PRIM2: variants seen among roughly 807,000 people sequenced by gnomAD.
PRIM2 encodes DNA primase large subunit.
In PRIM2, 39 loss-of-function variants were observed where a neutral mutation model predicts 67.3. The observed-to-expected ratio is 0.58, with a 90% confidence interval of 0.45 to 0.76. The LOEUF is 0.76. Among genes scored for constraint, PRIM2 ranks in the 30% least tolerant of loss-of-function variants. PRIM2 has a pLI of 0.00. For synonymous variants in PRIM2, 143 were observed against 198.7 expected (o/e 0.72, Z 2.36); for missense variants, 398 against 598.7 (o/e 0.66, Z 3.50).
chr6:57,538,849 T>A (rs1486908829), intron 10 of PRIM2, among the ~76,000 whole-genome samples: 7 of 152,128 alleles, frequency 4.6e-5, no homozygotes, highest in Non-Finnish European at 1.0e-4. Flanking sequence ...TTCTTATAAA[T>A]ACACTAGTCT....
At chr6:57,342,681 T>A (rs1220259376) in intron 5 of PRIM2, among the ~76,000 whole-genome samples, 1 of 152,170 alleles carries the variant, frequency 6.6e-6, no homozygotes, top group African/African-American at 2.4e-5. Context: ...TTCTTAAAGA[T>A]GTGGAAGAAT....
intron 12 of PRIM2, 50 bp downstream of exon 12, chr6:57,606,507 A>G (rs1479510574): frequency 7.0e-6 from 10 of 1,429,588 alleles, no homozygotes; most frequent in Non-Finnish European, 9.7e-6. Context: ...CCTTAGATAG[A>G]TCTCTCGGTT....
chr6:57,641,624 T>C (rs1380562269), intron 13 of PRIM2, among the ~76,000 whole-genome samples: 1 of 152,026 alleles, frequency 6.6e-6, no homozygotes, highest in East Asian at 1.9e-4. Flanking sequence ...AACAAACATA[T>C]GAAAAAATGC....
chr6:57,545,614 A>G (rs1240765263), intron 10 of PRIM2, among the ~76,000 whole-genome samples: 2 of 151,876 alleles, frequency 1.3e-5, no homozygotes, highest in South Asian at 2.1e-4. Flanking sequence ...TTGTATTTTT[A>G]GTAGAGGTGG....
intron 10 of PRIM2, among the ~76,000 whole-genome samples, chr6:57,560,182 G>T (rs1775599837): frequency 6.6e-6 from 1 of 152,070 alleles, no homozygotes; most frequent in Non-Finnish European, 1.5e-5. Flanking sequence ...CATTTCAACA[G>T]TGTTCACAGC....
chr6:57,627,379 T>G (rs1478538537), intron 12 of PRIM2, among the ~76,000 whole-genome samples: 1 of 150,824 alleles, frequency 6.6e-6, no homozygotes, highest in Admixed American at 6.6e-5. Flanking sequence ...TGCTACTCAC[T>G]TTTTCTTTCT....
chr6:57,428,969 G>A (rs1425783021), intron 7 of PRIM2, among the ~76,000 whole-genome samples: 3 of 152,046 alleles, frequency 2.0e-5, no homozygotes, highest in African/African-American at 7.2e-5. Flanking sequence ...CGCAATCAGG[G>A]TATAGAACTT....
intron 10 of PRIM2, among the ~76,000 whole-genome samples, chr6:57,598,520 T>C (rs1776407937): frequency 2.6e-5 from 4 of 152,174 alleles, no homozygotes; most frequent in African/African-American, 2.4e-5. Flanking sequence ...AGGTACATTG[T>C]CTGCTTTTGG....
the PRIM2 span, among the ~76,000 whole-genome samples, chr6:57,285,821 C>G: frequency 1.3e-5 from 2 of 152,200 alleles, no homozygotes; most frequent in Non-Finnish European, 2.9e-5. Context: ...CAAATTGTCT[C>G]TGTTTGCAGA....
chr6:57,363,503 G>A (rs960957874), intron 5 of PRIM2, among the ~76,000 whole-genome samples: 3 of 151,972 alleles, frequency 2.0e-5, no homozygotes, highest in Non-Finnish European at 4.4e-5. Context: ...TCCTTTATTG[G>A]AAGACATTTT....
In PRIM2 at chr6:57,331,032, C is replaced by G. The variant is rs182479981; in HGVS notation, c.459+4987C>G. On this transcript the variant is annotated intron_variant, in intron 5 of 13. Coordinates refer to ENST00000615550, the MANE Select transcript of PRIM2 (RefSeq NM_000947.5). ...CCCGTCTCTACTAAAAAAAAAATACCAAAAAATTAGCCAGACGTGGTGGTG... is the reference window on the plus strand; with the variant it reads ...CCCGTCTCTACTAAAAAAAAAATACGAAAAAATTAGCCAGACGTGGTGGTG... Among the ~76,000 whole-genome samples, 23 of 151,504 alleles carry G rather than the reference C, an allele frequency of 1.5e-4. No homozygotes were observed. The East Asian group carries it at 4.3e-3, about 28-fold the overall frequency.
At chr6:57,277,582 C>T in the PRIM2 span, among the ~76,000 whole-genome samples, 4,569 of 151,414 alleles carry the variant, frequency 0.03, 232 homozygotes, top group African/African-American at 0.11. Context: ...CAGCAGAAGC[C>T]GGGGGGTGGT....
intron 7 of PRIM2, among the ~76,000 whole-genome samples, chr6:57,476,074 C>T (rs1773471472): frequency 6.6e-6 from 1 of 151,990 alleles, no homozygotes; most frequent in East Asian, 1.9e-4. Flanking sequence ...TCTCTGATGT[C>T]GCTTTGGGTG....
intron 5 of PRIM2, among the ~76,000 whole-genome samples, chr6:57,373,109 A>T (rs1054982674): frequency 1.3e-5 from 2 of 151,838 alleles, no homozygotes; most frequent in African/African-American, 4.8e-5. Context: ...TTTCTCCACA[A>T]CCTTGCCAGC....
intron 5 of PRIM2, among the ~76,000 whole-genome samples, chr6:57,362,738 G>T (rs569491312): frequency 6.6e-6 from 1 of 152,178 alleles, no homozygotes; most frequent in Non-Finnish European, 1.5e-5. Flanking sequence ...AGTTTGAGAG[G>T]CCTTTAATTG....
rs1234804119 is a variant in PRIM2 at position 57,573,203 on chromosome 6, A to G, written c.1021-27890A>G. Among the ~76,000 whole-genome samples, 598 of 152,362 alleles carry G rather than the reference A, an allele frequency of 3.9e-3. 3 individuals are homozygous for G. The highest frequency in any genetic ancestry group is 0.014 in the African/African-American group (563 of 41,588). ...TTATTATTCAACAAATTACTCTTTA[A>G]GCTGCACATCAAAATAGTATTATTC... On this transcript the variant is annotated intron_variant, in intron 10 of 13. Coordinates refer to ENST00000615550, the MANE Select transcript of PRIM2 (RefSeq NM_000947.5).
intron 12 of PRIM2, among the ~76,000 whole-genome samples, chr6:57,617,895 C>A (rs1776783473): frequency 6.6e-6 from 1 of 152,004 alleles, no homozygotes; most frequent in Non-Finnish European, 1.5e-5. Flanking sequence ...GGTCATTGAT[C>A]CCTTTTGAGT....
At chr6:57,251,777 G>A in the PRIM2 span, among the ~76,000 whole-genome samples, 1 of 152,138 alleles carries the variant, frequency 6.6e-6, no homozygotes, top group African/African-American at 2.4e-5. Context: ...TTTCCCACAA[G>A]CTTTATTATT....
intron 7 of PRIM2, among the ~76,000 whole-genome samples, chr6:57,446,506 T>C (rs1359317057): frequency 6.8e-6 from 1 of 146,376 alleles, no homozygotes; most frequent in Non-Finnish European, 1.5e-5. Context: ...CTGTGCTTTT[T>C]GGGTTCAAGC....
Sources: allele counts gnomAD v4.1 joint callset (sites outside exome capture counted in the v4.1 genomes callset), GRCh38; gene constraint gnomAD v4.1.1; transcripts MANE v1.5; gene names NCBI Gene and HGNC (gene_info 2026-07-23, HGNC 2026-07-21).